ATL2: variants seen among roughly 807,000 people sequenced by gnomAD.
ATL2 encodes atlastin-2.
In ATL2, 31 loss-of-function variants were observed where a neutral mutation model predicts 73.9. That is an observed-to-expected ratio of 0.42 (90% CI 0.32 to 0.57). ATL2 has a LOEUF of 0.57. ATL2 is among the 20% of genes least tolerant of loss of function. The probability of loss-of-function intolerance (pLI) is 0.14; values close to 1 mark genes in which losing one functional copy is unlikely to be tolerated. For synonymous variants in ATL2, 291 were observed against 237.5 expected, an observed-to-expected ratio of 1.23 and a Z score of -2.07; for missense variants, 738 against 702.6, an observed-to-expected ratio of 1.05 and a Z score of -0.57.
chr2:38,349,439 C>T (rs1275158279), intron 1 of ATL2, among the ~76,000 whole-genome samples: 24 of 143,528 alleles, frequency 1.7e-4, no homozygotes, highest in Middle Eastern at 3.7e-3. Context: ...AACCAAACAC[C>T]GCATGTTCTC....
At chr2:38,312,176 T>C (rs1011650627) in intron 7 of ATL2, among the ~76,000 whole-genome samples, 2 of 152,170 alleles carry the variant, frequency 1.3e-5, no homozygotes, top group African/African-American at 2.4e-5. Flanking sequence ...ATGGGTAGCC[T>C]GTAAGTATCT....
chr2:38,305,443 G>A (rs1667398504), intron 9 of ATL2, among the ~76,000 whole-genome samples: 1 of 152,124 alleles, frequency 6.6e-6, no homozygotes, highest in Non-Finnish European at 1.5e-5. Context: ...CAGCTACTCA[G>A]GAGACTGAGG....
chr2:38,334,745 T>C (rs1669206205), intron 2 of ATL2, among the ~76,000 whole-genome samples: 1 of 150,340 alleles, frequency 6.7e-6, no homozygotes, highest in Non-Finnish European at 1.5e-5. Flanking sequence ...TGCCTGCTTC[T>C]CACATTGGCA....
chr2:38,375,640 G>C (rs527333697), intron 1 of ATL2, among the ~76,000 whole-genome samples: 3 of 152,160 alleles, frequency 2.0e-5, no homozygotes, highest in African/African-American at 7.2e-5. Context: ...AAAAAGGAAA[G>C]AAAGAAAGAG....
At chr2:38,377,024 A>C in intron 1 of ATL2, 119 bp downstream of exon 1, 2 of 785,314 alleles carry the variant, frequency 2.5e-6, no homozygotes, top group South Asian at 2.2e-5. Flanking sequence ...CGGCGGCGGG[A>C]GGAGACCTGA....
chr2:38,313,335 C>G, intron 6 of ATL2, 92 bp from the exon 7 acceptor site: 1 of 856,872 alleles, frequency 1.2e-6, no homozygotes, highest in South Asian at 1.8e-5. Context: ...CTCTCTTACT[C>G]TCCTAAACAA....
At chr2:38,362,900 T>C (rs966269793) in intron 1 of ATL2, among the ~76,000 whole-genome samples, 1 of 152,208 alleles carries the variant, frequency 6.6e-6, no homozygotes, top group African/African-American at 2.4e-5. Context: ...AGATGACATT[T>C]GAGCAAAGAA....
Position 38,298,550 on chromosome 2 carries a change from A to G in ATL2, c.1226T>C (p.Ile409Thr), listed in dbSNP as rs1667025657. 1 of 1,614,026 alleles carries G rather than the reference A, an allele frequency of 6.2e-7. No homozygotes were observed. The highest frequency in any genetic ancestry group is 8.5e-7 in the Non-Finnish European group (1 of 1,179,994). Residue 409 changes from isoleucine to threonine, a missense_variant, in exon 12 of 13, where the codon ATT becomes ACT. By Grantham distance (89) the Ile-to-Thr change is moderately conservative. Transcript: ENST00000378954. The part of the protein sequence containing the change: ...EQVCGGDKPY[I>T]APSDLERKHL... ...TTTTCGCTCCAGATCTGAAGGTGCA[A>G]TGTAAGGCTTGTCCCCTCCACATAC...
At chr2:38,348,031 T>A (rs921917134) in intron 1 of ATL2, among the ~76,000 whole-genome samples, 1 of 151,774 alleles carries the variant, frequency 6.6e-6, no homozygotes, top group Non-Finnish European at 1.5e-5. Flanking sequence ...CCTCCCAAAG[T>A]ACTAGGATTA....
intron 1 of ATL2, among the ~76,000 whole-genome samples, chr2:38,348,528 G>T (rs1670155951): frequency 6.6e-6 from 1 of 151,828 alleles, no homozygotes; most frequent in Non-Finnish European, 1.5e-5. Context: ...AGTAATAACT[G>T]CTAAAATATC....
chr2:38,364,129 G>A (rs1317868225), intron 1 of ATL2, among the ~76,000 whole-genome samples: 2 of 152,178 alleles, frequency 1.3e-5, no homozygotes, highest in African/African-American at 4.8e-5. Flanking sequence ...GGGCGTGGTG[G>A]CGGATGCCTG....
At chr2:38,347,288 A>C (rs1670080152) in intron 1 of ATL2, among the ~76,000 whole-genome samples, 1 of 152,156 alleles carries the variant, frequency 6.6e-6, no homozygotes, top group African/African-American at 2.4e-5. Context: ...ATTCATTCCC[A>C]AAGCCTGGAC....
intron 5 of ATL2, 55 bp downstream of exon 5, chr2:38,315,229 G>C (rs1025131877): frequency 4.3e-6 from 6 of 1,392,758 alleles, no homozygotes; most frequent in Non-Finnish European, 4.7e-6. Context: ...CTAGTCTGGG[G>C]AACAAGAGCG....
At chr2:38,357,322 G>A (rs569942926) in intron 1 of ATL2, among the ~76,000 whole-genome samples, 8 of 151,204 alleles carry the variant, frequency 5.3e-5, no homozygotes, top group African/African-American at 7.3e-5. Context: ...GGAAGACTCC[G>A]TCTCAAAAAT....
intron 2 of ATL2, among the ~76,000 whole-genome samples, chr2:38,320,046 G>C (rs6721736): frequency 0.058 from 8,842 of 152,150 alleles, 862 homozygotes; most frequent in African/African-American, 0.2. Context: ...GGCAGAGGTT[G>C]CAGTGAGCAG....
chr2:38,308,735 C>T (rs1017492671), intron 9 of ATL2, among the ~76,000 whole-genome samples: 13 of 151,698 alleles, frequency 8.6e-5, no homozygotes, highest in East Asian at 3.9e-4. Context: ...ATATATACTA[C>T]GTACCCACAA....
intron 1 of ATL2, among the ~76,000 whole-genome samples, chr2:38,365,903 C>T (rs57340193): frequency 0.016 from 2,419 of 151,824 alleles, 41 homozygotes; most frequent in East Asian, 0.058. Flanking sequence ...GCCAAGATCG[C>T]GCCATTGCAC....
Position 38,313,363 on chromosome 2 carries a change from A to T in ATL2, c.712-120T>A, listed in dbSNP as rs903441675. On this transcript the variant is annotated intron_variant, in intron 6 of 12. Transcript: ENST00000378954. ...CTAAACAATCCTTATCAAAAGTTAT[A>T]GTAACTAAATGGTCAGTACTGGTCA... is the stretch of plus-strand genomic sequence containing the variant. The T allele has an allele frequency of 4.2e-6, 3 of 712,152 alleles. No homozygotes were observed. The African/African-American group carries it at 5.4e-5, about 13-fold the overall frequency. 44.1% of individuals were successfully genotyped at this position (712,152 alleles called of 1,614,324 possible).
intron 2 of ATL2, 145 bp from the exon 3 acceptor site, chr2:38,319,164 A>G: frequency 1.1e-6 from 1 of 875,362 alleles, no homozygotes; most frequent in Non-Finnish European, 1.8e-6. Flanking sequence ...GTAGTTACAA[A>G]GCAGTCCTTA....
Sources: gnomAD v4.1 joint callset for allele counts (sites outside exome capture counted in the v4.1 genomes callset) on GRCh38, gnomAD v4.1.1 for gene constraint, MANE v1.5 for transcripts, NCBI Gene and HGNC (gene_info 2026-07-23, HGNC 2026-07-21) for gene names.